TXNL4A: variants seen among roughly 807,000 people sequenced by gnomAD.
TXNL4A encodes the protein thioredoxin like 4A, also known as thioredoxin-like protein 4A.
A neutral mutation model predicts 14.6 loss-of-function variants in TXNL4A; 17 were observed. The observed-to-expected ratio is 1.16, with a 90% CI of 0.80 to 1.74. TXNL4A has a LOEUF of 1.74. TXNL4A is among the 40% of genes most tolerant of loss of function. The pLI is 0.00. For synonymous variants in TXNL4A, 83 were observed against 70.6 expected (o/e 1.18, Z -0.88); for missense variants, 74 against 195.2 (o/e 0.38, Z 3.70).
chr18:80,030,612 A>G (rs903751298), intron 1 of TXNL4A: 1 of 152,226 alleles, frequency 6.6e-6, no homozygotes, highest in African/African-American at 2.4e-5. Flanking sequence ...TACATCACAG[A>G]AACAGTTTGG....
At chr18:80,005,014 G>A (rs1319383924) in intron 1 of TXNL4A, among the ~76,000 whole-genome samples, 3 of 152,218 alleles carry the variant, frequency 2.0e-5, no homozygotes, top group Admixed American at 1.3e-4. Context: ...TGATAAAAGG[G>A]CTGGACTGAA....
intron 2 of TXNL4A, chr18:79,976,868 A>C (rs2145056581): frequency 2.2e-6 from 1 of 444,872 alleles, no homozygotes; most frequent in East Asian, 7.1e-5. Context: ...CTGATAAAAT[A>C]ATCTTGTATT....
intron 1 of TXNL4A, among the ~76,000 whole-genome samples, chr18:80,022,902 C>G (rs558893478): frequency 5.3e-5 from 8 of 152,126 alleles, no homozygotes; most frequent in African/African-American, 1.9e-4. Flanking sequence ...TGTGCAAGAC[C>G]CTAGCTTTCC....
At chr18:80,010,770 T>A (rs2051764522) in intron 1 of TXNL4A, among the ~76,000 whole-genome samples, 1 of 152,190 alleles carries the variant, frequency 6.6e-6, no homozygotes, top group African/African-American at 2.4e-5. Flanking sequence ...CTAGTTCCCT[T>A]ACTGGTTCCT....
chr18:80,033,380 C>G (rs1439776933), intron 1 of TXNL4A, among the ~76,000 whole-genome samples: 1 of 152,234 alleles, frequency 6.6e-6, no homozygotes, highest in Non-Finnish European at 1.5e-5. Flanking sequence ...ACACTGCGGT[C>G]GCGCTCACTT....
intron 1 of TXNL4A, among the ~76,000 whole-genome samples, chr18:79,984,738 T>G (rs1178316005): frequency 6.6e-6 from 1 of 152,128 alleles, no homozygotes; most frequent in Non-Finnish European, 1.5e-5. Context: ...GCCTCCTGAG[T>G]AGTGGGGTTA....
intron 1 of TXNL4A, among the ~76,000 whole-genome samples, chr18:79,983,364 A>G (rs2051493363): frequency 6.6e-6 from 1 of 152,154 alleles, no homozygotes; most frequent in Non-Finnish European, 1.5e-5. Context: ...TCTGTTGCCT[A>G]TACACCTCAT....
At chr18:80,032,121 C>A (rs2051925322) in intron 1 of TXNL4A, among the ~76,000 whole-genome samples, 1 of 152,176 alleles carries the variant, frequency 6.6e-6, no homozygotes, top group African/African-American at 2.4e-5. Context: ...GGTCCCTATA[C>A]ATTTTTCTTT....
upstream of TXNL4A, among the ~76,000 whole-genome samples, chr18:79,990,534 C>T (rs2051620050): frequency 6.6e-6 from 1 of 152,194 alleles, no homozygotes; most frequent in Non-Finnish European, 1.5e-5. Flanking sequence ...TTACTAAGGT[C>T]AGGCTATTGC....
At chr18:80,005,929 AAAGAAT>A (rs2051727291) in intron 1 of TXNL4A, among the ~76,000 whole-genome samples, 1 of 152,010 alleles carries the variant, frequency 6.6e-6, no homozygotes, top group African/African-American at 2.4e-5. Context: ...GAAAAAAGAA[AAAGAAT>A]AAGAAAAAAT....
chr18:79,977,910 C>G, intron 1 of TXNL4A: 1 of 555,084 alleles, frequency 1.8e-6, no homozygotes, highest in Non-Finnish European at 3.2e-6. Flanking sequence ...CTCAAGCTAT[C>G]CTCCCACCTC....
At chr18:80,013,349 C>T (rs1261693826) in intron 1 of TXNL4A, among the ~76,000 whole-genome samples, 3 of 151,860 alleles carry the variant, frequency 2.0e-5, no homozygotes, top group Admixed American at 2.0e-4. Flanking sequence ...CTCTCGATCT[C>T]CTACCTCATG....
rs760554044 is a variant in TXNL4A, at chr18:79,988,420, A to G, written c.-28T>C. Reference sequence around the variant, plus strand: ...CGGCCCGCGCGCTCGCCGCCGCCCAAGGCGGGGCGCCAGGGAGGGCCCAGC... The same window carrying G: ...CGGCCCGCGCGCTCGCCGCCGCCCAGGGCGGGGCGCCAGGGAGGGCCCAGC... On this transcript the variant is annotated 5_prime_UTR_variant, in exon 1 of 3. Coordinates refer to ENST00000269601, the MANE Select transcript of TXNL4A (RefSeq NM_006701.5). 8.5e-6 allele frequency: 12 copies of G among 1,408,270 alleles called. 1 individual carries two copies. The South Asian group carries it at 1.8e-4, about 21-fold the overall frequency. The allele number at this position is 1,408,270 out of a possible 1,614,324, so 87.2% of individuals were successfully genotyped here.
upstream of TXNL4A, among the ~76,000 whole-genome samples, chr18:79,992,876 TAAA>T (rs59567705): frequency 1.2e-3 from 94 of 78,616 alleles, 1 homozygote; most frequent in African/African-American, 4.0e-3. Context: ...TCATCTTATG[TAAA>T]AAAAAAAAAA....
At chr18:79,987,361 A>C (rs947167256) in intron 1 of TXNL4A, among the ~76,000 whole-genome samples, 3 of 152,228 alleles carry the variant, frequency 2.0e-5, no homozygotes, top group Non-Finnish European at 4.4e-5. Flanking sequence ...TACTCAAAGG[A>C]GTTATTTTAA....
chr18:80,015,263 T>TG (rs1341134786), intron 1 of TXNL4A, among the ~76,000 whole-genome samples: 3 of 151,868 alleles, frequency 2.0e-5, no homozygotes, highest in African/African-American at 7.3e-5. Flanking sequence ...AAAAAAAAAA[T>TG]GGACTTTTCT....
intron 1 of TXNL4A, among the ~76,000 whole-genome samples, chr18:79,996,697 C>T (rs959722027): frequency 7.2e-5 from 11 of 152,178 alleles, no homozygotes; most frequent in African/African-American, 2.2e-4. Context: ...AATCCCAGCA[C>T]TTTGGGAGGC....
At position 80,022,110 on chromosome 18, in the gene TXNL4A, C is replaced by T. The variant is rs543669434; in HGVS notation, c.-61+11741G>A. Among the ~76,000 whole-genome samples the T allele has an allele frequency of 2.0e-5, 3 of 152,164 alleles. No homozygotes were observed. The South Asian group carries it at 6.2e-4, about 32-fold the overall frequency. On this transcript the variant is annotated intron_variant, in intron 1 of 2. Transcript: ENST00000585474. ...ATATTTATTAGGGTTATTAGAGAAC[C>T]TGCCCAGGTCCCCCTTTATTTGTTT...
At chr18:80,023,116 C>A (rs547040620) in intron 1 of TXNL4A, among the ~76,000 whole-genome samples, 1 of 152,160 alleles carries the variant, frequency 6.6e-6, no homozygotes, top group East Asian at 1.9e-4. Flanking sequence ...ACACAAAATT[C>A]TTTTTTTTCT....
Sources: gnomAD v4.1 joint callset for allele counts (sites outside exome capture counted in the v4.1 genomes callset) on GRCh38, gnomAD v4.1.1 for gene constraint, MANE v1.5 for transcripts, NCBI Gene and HGNC (gene_info 2026-07-23, HGNC 2026-07-21) for gene names.